Variants in PCDH9 observed in about 807,000 individuals in gnomAD.
PCDH9 encodes the protein protocadherin 9.
In PCDH9, 24 loss-of-function variants were observed where a neutral mutation model predicts 70.6. The observed-to-expected ratio is 0.34, with a 90% confidence interval of 0.25 to 0.48. PCDH9 has a LOEUF of 0.48. PCDH9 is among the 20% of genes least tolerant of loss of function. PCDH9 has a pLI of 0.99. For missense variants in PCDH9, 1,281 were observed against 1,503.6 expected (o/e 0.85, Z 2.45); for synonymous variants, 562 against 558.5 (o/e 1.01, Z -0.09).
At chr13:67,204,027 A>G (rs1370919846) in intron 2 of PCDH9, 2 of 152,090 alleles carry the variant, frequency 1.3e-5, no homozygotes, top group African/African-American at 2.4e-5. Flanking sequence ...CATGGAAAAA[A>G]TATTTTCCCC....
intron 3 of PCDH9, among the ~76,000 whole-genome samples, chr13:66,651,567 A>C (rs2077851939): frequency 6.6e-6 from 1 of 152,096 alleles, no homozygotes. Context: ...TTCACCATTG[A>C]ATTTTACTAA....
intron 3 of PCDH9, among the ~76,000 whole-genome samples, chr13:66,894,998 G>A (rs535620753): frequency 6.6e-5 from 10 of 152,050 alleles, no homozygotes; most frequent in Non-Finnish European, 1.5e-4. Flanking sequence ...AGTAGAGACA[G>A]GGTTTCACCA....
chr13:66,377,163 G>T (rs1593880682), intron 4 of PCDH9, among the ~76,000 whole-genome samples: 1 of 152,234 alleles, frequency 6.6e-6, no homozygotes, highest in Non-Finnish European at 1.5e-5. Context: ...CATGCACATG[G>T]ACCGAAGTGG....
intron 2 of PCDH9, among the ~76,000 whole-genome samples, chr13:67,068,651 A>G (rs1239220026): frequency 6.6e-6 from 1 of 152,174 alleles, no homozygotes; most frequent in East Asian, 1.9e-4. Context: ...CCCAAACCTC[A>G]AACTCATTTC....
At chr13:66,429,971 G>A (rs1369161803) in intron 4 of PCDH9, among the ~76,000 whole-genome samples, 3 of 152,082 alleles carry the variant, frequency 2.0e-5, no homozygotes, top group Non-Finnish European at 4.4e-5. Flanking sequence ...CAGGGAGTCA[G>A]TTTCTATCAA....
At chr13:66,977,829 C>G (rs2083652159) in intron 2 of PCDH9, among the ~76,000 whole-genome samples, 1 of 152,028 alleles carries the variant, frequency 6.6e-6, no homozygotes, top group South Asian at 2.1e-4. Context: ...AATCTGATCT[C>G]CTCAGTGGAA....
intron 3 of PCDH9, among the ~76,000 whole-genome samples, chr13:66,693,550 G>C (rs1410127915): frequency 1.3e-5 from 2 of 152,076 alleles, no homozygotes; most frequent in Non-Finnish European, 2.9e-5. Context: ...AAAATGCCAG[G>C]ATGTTTGCTG....
intron 4 of PCDH9, among the ~76,000 whole-genome samples, chr13:66,584,178 C>T (rs1228974038): frequency 6.6e-6 from 1 of 152,014 alleles, no homozygotes; most frequent in Non-Finnish European, 1.5e-5. Flanking sequence ...GATTGTGATT[C>T]GGTTATTAGA....
intron 3 of PCDH9, among the ~76,000 whole-genome samples, chr13:66,695,526 C>T (rs777805018): frequency 6.6e-6 from 1 of 152,136 alleles, no homozygotes; most frequent in African/African-American, 2.4e-5. Context: ...TAGAAATTTT[C>T]TATGCTAGAA....
chr13:66,986,743 A>G (rs1168069504), intron 2 of PCDH9, among the ~76,000 whole-genome samples: 1 of 152,050 alleles, frequency 6.6e-6, no homozygotes, highest in African/African-American at 2.4e-5. Context: ...ATAGGAAGAT[A>G]TTTTCAATTC....
chr13:66,863,857 C>CCTCCT (rs2081525927), intron 3 of PCDH9, among the ~76,000 whole-genome samples: 1 of 151,846 alleles, frequency 6.6e-6, no homozygotes, highest in African/African-American at 2.4e-5. Flanking sequence ...TCCTGCTGCT[C>CCTCCT]GTTTATAAAT....
intron 4 of PCDH9, among the ~76,000 whole-genome samples, chr13:66,569,831 G>A (rs983952106): frequency 5.3e-5 from 8 of 152,118 alleles, no homozygotes; most frequent in African/African-American, 1.9e-4. Context: ...TAAAAATGGT[G>A]CTGCCTCTGG....
At chr13:66,949,407 AC>A (rs1282305102) in intron 2 of PCDH9, among the ~76,000 whole-genome samples, 1 of 152,100 alleles carries the variant, frequency 6.6e-6, no homozygotes, top group Non-Finnish European at 1.5e-5. Flanking sequence ...CCAATATCAC[AC>A]CATCTCTAAG....
At chr13:66,981,380 A>T (rs981092374) in intron 2 of PCDH9, among the ~76,000 whole-genome samples, 1 of 150,496 alleles carries the variant, frequency 6.6e-6, no homozygotes, top group Non-Finnish European at 1.5e-5. Context: ...GGAGGTTGCA[A>T]TGAGCCGAGA....
chr13:66,727,795 C>T (rs887136585), intron 3 of PCDH9, among the ~76,000 whole-genome samples: 18 of 151,794 alleles, frequency 1.2e-4, no homozygotes, highest in Admixed American at 3.9e-4. Flanking sequence ...AAAAGAATGC[C>T]TATGTTTCAT....
At chr13:66,765,056 CTCTG>C (rs1461877681) in intron 3 of PCDH9, among the ~76,000 whole-genome samples, 3 of 138,766 alleles carry the variant, frequency 2.2e-5, no homozygotes, top group African/African-American at 8.2e-5. Context: ...CTTTGTCTCT[CTCTG>C]TCTGTCTCTG....
At chr13:67,059,353 T>TTA (rs200079260) in intron 2 of PCDH9, among the ~76,000 whole-genome samples, 137 of 127,848 alleles carry the variant, frequency 1.1e-3, no homozygotes, top group Admixed American at 2.3e-3. Flanking sequence ...TATATATATA[T>TTA]TATATATATA....
At chr13:66,685,751 C>G (rs2078392319) in intron 3 of PCDH9, among the ~76,000 whole-genome samples, 1 of 152,200 alleles carries the variant, frequency 6.6e-6, no homozygotes, top group Non-Finnish European at 1.5e-5. Context: ...ATCAGCATGA[C>G]CTGTATGTGA....
At chr13:66,518,010 G>A (rs1373409526) in intron 4 of PCDH9, among the ~76,000 whole-genome samples, 1 of 152,072 alleles carries the variant, frequency 6.6e-6, no homozygotes, top group East Asian at 1.9e-4. Context: ...AGAAATACCT[G>A]AGATTGGGTA....
Sources: gnomAD v4.1 joint callset for allele counts (sites outside exome capture counted in the v4.1 genomes callset) on GRCh38, gnomAD v4.1.1 for gene constraint, MANE v1.5 for transcripts, NCBI Gene and HGNC (gene_info 2026-07-23, HGNC 2026-07-21) for gene names.